The following TAF2 variants were observed in gnomAD, a reference collection of about 807,000 sequenced individuals.
TAF2 encodes transcription initiation factor TFIID subunit 2.
TAF2 carries 61 observed loss-of-function variants against 138.5 expected under a neutral mutation model. The ratio of observed to expected loss-of-function variants is 0.44; its 90% CI spans 0.36 to 0.54. The LOEUF (loss-of-function observed/expected upper bound fraction) is 0.54, where lower values mean the gene tolerates loss of function less well. Ranked by LOEUF, TAF2 falls within the 20% of genes least tolerant of loss-of-function variation. The pLI is 0.00. For missense variants in TAF2, 1,090 were observed against 1,427.9 expected (o/e 0.76, Z 3.81); for synonymous variants, 475 against 469.9 (o/e 1.01, Z -0.14).
At chr8:119,800,541 C>T (rs1490698883) in intron 6 of TAF2, among the ~76,000 whole-genome samples, 1 of 152,176 alleles carries the variant, frequency 6.6e-6, no homozygotes, top group Admixed American at 6.5e-5. Flanking sequence ...GTTTTGGTTA[C>T]TGTAGCCTTG....
intron 15 of TAF2, 24 bp downstream of exon 15, chr8:119,785,177 T>C (rs765429188): frequency 1.3e-6 from 2 of 1,581,372 alleles, no homozygotes. Context: ...TATTATAACC[T>C]TATATTTAAG....
At position 119,731,704 on chromosome 8, in the gene TAF2, G is replaced by A. The variant is rs1289999655; in HGVS notation, c.*220C>T. ...GTGTGTGTTTTGGGGAGGAAACAGCGGATGAAATAGTTTATCCAGAACTAC... is the reference window on the plus strand; with the variant it reads ...GTGTGTGTTTTGGGGAGGAAACAGCAGATGAAATAGTTTATCCAGAACTAC... On this transcript the variant is annotated 3_prime_UTR_variant, in exon 26 of 26. Coordinates refer to ENST00000378164, the MANE Select transcript of TAF2 (RefSeq NM_003184.4). 1.1e-5 allele frequency: 6 copies of A among 570,262 alleles called. No homozygotes were observed. Among genetic ancestry groups the A allele is most frequent in the South Asian group, 4.1e-5 (2 of 48,640 alleles). The allele number at this position is 570,262 out of a possible 1,614,324, so 35.3% of individuals were successfully genotyped here.
At chr8:119,778,687 C>A (rs1822430674) in intron 17 of TAF2, among the ~76,000 whole-genome samples, 1 of 152,212 alleles carries the variant, frequency 6.6e-6, no homozygotes. Flanking sequence ...AACACCTAAT[C>A]CTCATGAACA....
intron 21 of TAF2, 145 bp from the exon 22 acceptor site, chr8:119,756,260 T>C (rs1820696305): frequency 1.5e-6 from 1 of 653,982 alleles, no homozygotes; most frequent in African/African-American, 1.8e-5. Flanking sequence ...TCTGTGTTTA[T>C]TTAGTTTAAT....
intron 18 of TAF2, among the ~76,000 whole-genome samples, chr8:119,772,167 C>T (rs867574394): frequency 6.6e-6 from 1 of 152,110 alleles, no homozygotes; most frequent in Non-Finnish European, 1.5e-5. Flanking sequence ...CTCTTGGATA[C>T]AGCAAAAGCA....
At chr8:119,772,200 C>T (rs1821889041) in intron 18 of TAF2, among the ~76,000 whole-genome samples, 1 of 152,194 alleles carries the variant, frequency 6.6e-6, no homozygotes, top group African/African-American at 2.4e-5. Flanking sequence ...AAGTTTATTG[C>T]ATTGCATGCC....
At chr8:119,797,375 A>G (rs904589433) in intron 7 of TAF2, among the ~76,000 whole-genome samples, 5 of 152,112 alleles carry the variant, frequency 3.3e-5, no homozygotes, top group Non-Finnish European at 5.9e-5. Context: ...TAGTCATACA[A>G]TAATTTGTAC....
At chr8:119,806,619 C>T (rs1466650047) in intron 3 of TAF2, among the ~76,000 whole-genome samples, 1 of 151,876 alleles carries the variant, frequency 6.6e-6, no homozygotes, top group Admixed American at 6.6e-5. Context: ...AGGCACCCAC[C>T]ACCACAACCA....
intron 25 of TAF2, among the ~76,000 whole-genome samples, chr8:119,733,820 C>A (rs1202697435): frequency 6.7e-6 from 1 of 150,364 alleles, no homozygotes. Context: ...TGTATTAATT[C>A]AGACCACCTC....
At chr8:119,792,794 G>A (rs563127484) in intron 10 of TAF2, among the ~76,000 whole-genome samples, 6 of 152,192 alleles carry the variant, frequency 3.9e-5, no homozygotes, top group African/African-American at 1.4e-4. Context: ...ACCTTGTGAG[G>A]ACACATTCTT....
chr8:119,822,589 T>G (rs745521795), intron 2 of TAF2, among the ~76,000 whole-genome samples: 8 of 152,190 alleles, frequency 5.3e-5, no homozygotes, highest in Non-Finnish European at 1.2e-4. Flanking sequence ...ATATGTCTGA[T>G]CCATCCAATA....
chr8:119,731,874 G>C lies in TAF2; in HGVS notation c.*50C>G. ...ATTCTTCACAGAGGACAAAGCTTTAGTTACATACATTCTTCTGGACATGAA... is the reference window on the plus strand; with the variant it reads ...ATTCTTCACAGAGGACAAAGCTTTACTTACATACATTCTTCTGGACATGAA... On this transcript the variant is annotated 3_prime_UTR_variant, in exon 26 of 26. Coordinates refer to ENST00000378164, the MANE Select transcript of TAF2 (RefSeq NM_003184.4). 6.4e-7 allele frequency: 1 copy of C among 1,562,424 alleles called. No homozygotes were observed. The highest frequency in any genetic ancestry group is 8.8e-7 in the Non-Finnish European group (1 of 1,133,750).
At chr8:119,776,526 CAAAAAA>C (rs148890953) in intron 18 of TAF2, among the ~76,000 whole-genome samples, 1 of 138,498 alleles carries the variant, frequency 7.2e-6, no homozygotes, top group Non-Finnish European at 1.6e-5. Context: ...ACTAAAAATA[CAAAAAA>C]AAAAAAATTA....
chr8:119,816,050 CTTTT>C (rs770573593), intron 3 of TAF2, among the ~76,000 whole-genome samples: 2 of 133,888 alleles, frequency 1.5e-5, no homozygotes, highest in Non-Finnish European at 1.6e-5. Flanking sequence ...CACACTCTTT[CTTTT>C]TTTTTTTTTT....
At chr8:119,764,909 G>T (rs924090199) in intron 18 of TAF2, among the ~76,000 whole-genome samples, 5 of 151,928 alleles carry the variant, frequency 3.3e-5, no homozygotes, top group African/African-American at 1.2e-4. Flanking sequence ...TAAACCAGCA[G>T]ACTAGGAAGG....
intron 18 of TAF2, among the ~76,000 whole-genome samples, chr8:119,770,782 T>C (rs1452723795): frequency 6.6e-6 from 1 of 152,098 alleles, no homozygotes; most frequent in Non-Finnish European, 1.5e-5. Context: ...CCACTTAAAA[T>C]ATATAGAGTG....
At position 119,762,601 on chromosome 8, in the gene TAF2, T is replaced by A. The variant is rs1374075822; in HGVS notation, c.2372A>T (p.Asp791Val). The A allele has an allele frequency of 6.2e-7, 1 of 1,611,992 alleles. No individual in the cohort carries two copies. The highest frequency in any genetic ancestry group is 8.5e-7 in the Non-Finnish European group (1 of 1,179,000). Residue 791 changes from aspartate (D) to valine (V), a missense_variant, in exon 19 of 26, where the codon GAT becomes GTT. Asp to Val is a radical substitution (Grantham distance 152). Transcript: ENST00000378164. Reference protein sequence around the residue: ...YNDNRKNKFSDNYYRAEMIDA... With the variant: ...YNDNRKNKFSVNYYRAEMIDA... ...AATCATTTCTGCACGATAATAGTTA[T>A]CTGAAAACTAGGCCAAAGAAAAATT...
intron 3 of TAF2, among the ~76,000 whole-genome samples, chr8:119,814,980 G>A (rs529045035): frequency 5.1e-4 from 78 of 151,700 alleles, no homozygotes; most frequent in African/African-American, 1.8e-3. Flanking sequence ...AGTGGCTCAC[G>A]CCTGTAATCC....
intron 9 of TAF2, among the ~76,000 whole-genome samples, chr8:119,795,104 AT>A (rs1225267424): frequency 1.3e-5 from 2 of 152,182 alleles, no homozygotes; most frequent in Non-Finnish European, 2.9e-5. Flanking sequence ...CCAGAATATA[AT>A]AAGCAGTTAA....
Sources: gnomAD v4.1 joint callset for allele counts (sites outside exome capture counted in the v4.1 genomes callset) on GRCh38, gnomAD v4.1.1 for gene constraint, MANE v1.5 for transcripts, NCBI Gene and HGNC (gene_info 2026-07-23, HGNC 2026-07-21) for gene names.